Variants in MYOM2 observed in about 807,000 individuals in gnomAD.
MYOM2 encodes myomesin-2.
A neutral mutation model predicts 187.6 loss-of-function variants in MYOM2; 254 were observed. The ratio of observed to expected loss-of-function variants is 1.35; its 90% CI spans 1.22 to 1.50. The LOEUF (loss-of-function observed/expected upper bound fraction) is 1.50. Among genes scored for constraint, MYOM2 ranks in the 40% most tolerant of loss-of-function variants. The pLI is 0.00. For missense variants in MYOM2, 2,796 were observed against 1,924.0 expected, an observed-to-expected ratio of 1.45 and a Z score of -8.48; for synonymous variants, 981 against 753.8, an observed-to-expected ratio of 1.30 and a Z score of -4.94.
At chr8:2,139,661 C>G (rs1489839365) in intron 32 of MYOM2, among the ~76,000 whole-genome samples, 1 of 152,194 alleles carries the variant, frequency 6.6e-6, no homozygotes, top group Non-Finnish European at 1.5e-5. Flanking sequence ...TGTTCTGGAG[C>G]TGGTGCCCGA....
intron 30 of MYOM2, 134 bp from the exon 31 acceptor site, chr8:2,124,045 A>G: frequency 1.1e-6 from 1 of 874,716 alleles, no homozygotes; most frequent in African/African-American, 1.7e-5. Context: ...TTTTATGGAT[A>G]AATATTGCCA....
chr8:2,117,787 C>T, intron 27 of MYOM2, 98 bp from the exon 28 acceptor site: 1 of 720,474 alleles, frequency 1.4e-6, no homozygotes, highest in East Asian at 2.8e-5. Flanking sequence ...TATATACACA[C>T]CATGCATATA....
rs966807615 is a variant in MYOM2, at chr8:2,066,945, G to A, written c.654-2333G>A. Among the ~76,000 whole-genome samples the A allele has an allele frequency of 5.3e-5, 8 of 152,262 alleles. No homozygotes were observed. In the East Asian group the frequency reaches 5.8e-4, roughly 11 times the overall value. On this transcript the variant is annotated intron_variant, in intron 6 of 36. Transcript: ENST00000262113. ...TGTAGTTCGGCTTGTATTCCTCCACGGTGAACTAGAAGATAATGTTCTTGG... is the reference window on the plus strand; with the variant it reads ...TGTAGTTCGGCTTGTATTCCTCCACAGTGAACTAGAAGATAATGTTCTTGG...
At position 2,092,480 on chromosome 8, in the gene MYOM2, C is replaced by T. The variant is rs1455549101; in HGVS notation, c.1963C>T (p.Leu655Phe). Residue 655 changes from leucine (L) to phenylalanine (F), a missense_variant, in exon 16 of 37, where the codon CTC becomes TTC. Leu to Phe is a conservative substitution (Grantham distance 22). Coordinates refer to ENST00000262113, the MANE Select transcript of MYOM2 (RefSeq NM_003970.4). ...GGACTGCTGTGTGGCCGGAACCAAC[C>T]TCTGGGAGCCCTGCAACCACAAGCC... Reference protein sequence around the residue: ...YVDCCVAGTNLWEPCNHKPIG... With the variant: ...YVDCCVAGTNFWEPCNHKPIG... The T allele has an allele frequency of 1.9e-6, 3 of 1,614,118 alleles. No individual in the cohort carries two copies. The highest frequency in any genetic ancestry group is 2.5e-6 in the Non-Finnish European group (3 of 1,180,010).
At chr8:2,123,907 A>C (rs1000004793) in intron 30 of MYOM2, among the ~76,000 whole-genome samples, 7 of 152,256 alleles carry the variant, frequency 4.6e-5, no homozygotes, top group Non-Finnish European at 7.3e-5. Flanking sequence ...TTACTAATGC[A>C]GTTAAAATGA....
At chr8:2,143,903 C>G (rs1217581778) in intron 36 of MYOM2, among the ~76,000 whole-genome samples, 1 of 152,220 alleles carries the variant, frequency 6.6e-6, no homozygotes, top group Non-Finnish European at 1.5e-5. Context: ...AATCTCTGCT[C>G]CTATTCTCAA....
In MYOM2 at chr8:2,072,377, T is replaced by G. The variant is rs145346337; in HGVS notation, c.826T>G (p.Phe276Val). 1 of 1,613,716 alleles carries G rather than the reference T, an allele frequency of 6.2e-7. No homozygotes were observed. Among genetic ancestry groups the G allele is most frequent in the Non-Finnish European group, 8.5e-7 (1 of 1,179,680 alleles). Residue 276 changes from phenylalanine (F) to valine (V), a missense_variant, in exon 9 of 37, where the codon TTC (phenylalanine) becomes GTC (valine). Phe to Val is a conservative substitution (Grantham distance 50, BLOSUM62 -1). Coordinates refer to ENST00000262113, the MANE Select transcript of MYOM2 (RefSeq NM_003970.4). ...PLSSMIPYTHFDVQFLEKFGV... is the reference protein window; with the variant it reads ...PLSSMIPYTHVDVQFLEKFGV... ...GTCATCGATGATTCCGTACACGCAC[T>G]TCGACGTCCAGTTTTTGGAGAAGTT...
chr8:2,047,060 T>C (rs1421066331), intron 1 of MYOM2, among the ~76,000 whole-genome samples: 1 of 152,220 alleles, frequency 6.6e-6, no homozygotes, highest in Admixed American at 6.5e-5. Flanking sequence ...CCAGTAAGTA[T>C]AAATGCAAGT....
intron 14 of MYOM2, among the ~76,000 whole-genome samples, chr8:2,089,380 G>A (rs1796214719): frequency 6.6e-6 from 1 of 152,180 alleles, no homozygotes; most frequent in Non-Finnish European, 1.5e-5. Context: ...TATATTTATA[G>A]TCTTTTTCTC....
At chr8:2,053,236 C>T (rs973716724) in intron 3 of MYOM2, among the ~76,000 whole-genome samples, 11 of 152,210 alleles carry the variant, frequency 7.2e-5, no homozygotes, top group East Asian at 3.9e-4. Context: ...AGAAGGTTAA[C>T]GAAGGTTAAC....
intron 8 of MYOM2, among the ~76,000 whole-genome samples, chr8:2,071,048 G>T (rs1014406764): frequency 3.3e-5 from 5 of 152,118 alleles, no homozygotes. Context: ...GCTCACTGCA[G>T]CCTTGATCTC....
At position 2,123,592 on chromosome 8, in the gene MYOM2, T is replaced by G. The variant is rs1414019243; in HGVS notation, c.3605T>G (p.Leu1202Trp). The stretch of plus-strand genomic sequence containing the variant: ...GACCACGGTGAATACAAGGCAACCT[T>G]GAAAGATGACAGAGGCCAAGATGTG... ...KKDHGEYKAT[L>W]KDDRGQDVSI... The change falls in exon 30 of 37, where the codon TTG becomes TGG. Residue 1202 changes from leucine to tryptophan, a missense_variant. By Grantham distance (61) the Leu-to-Trp change is moderately conservative. Coordinates refer to ENST00000262113, the MANE Select transcript of MYOM2 (RefSeq NM_003970.4). 1 of 1,614,186 alleles carries G rather than the reference T, an allele frequency of 6.2e-7. No homozygotes were observed. Among genetic ancestry groups the G allele is most frequent in the Non-Finnish European group, 8.5e-7 (1 of 1,180,022 alleles).
chr8:2,053,602 C>T (rs1200596049), intron 3 of MYOM2, among the ~76,000 whole-genome samples: 3 of 152,218 alleles, frequency 2.0e-5, no homozygotes, highest in Non-Finnish European at 1.5e-5. Context: ...TTCAAGACAG[C>T]CTTGGCTGCT....
chr8:2,092,420 C>T lies in MYOM2; in HGVS notation c.1903C>T (p.Pro635Ser), dbSNP rs1796337589. The change falls in exon 16 of 37, where the codon CCT (proline) becomes TCT (serine). Residue 635 changes from proline to serine, a missense_variant. Pro to Ser is a moderately conservative substitution (Grantham distance 74). Coordinates refer to ENST00000262113, the MANE Select transcript of MYOM2 (RefSeq NM_003970.4). ...GTCGGTGGTGGTGCAGTGGGACCGACCTAAGCATGAGGAGGACCTGCTGGG... is the reference window on the plus strand; with the variant it reads ...GTCGGTGGTGGTGCAGTGGGACCGATCTAAGCATGAGGAGGACCTGCTGGG... ...KTSVVVQWDR[P>S]KHEEDLLGYY... The T allele has an allele frequency of 1.2e-6, 2 of 1,614,126 alleles. No homozygotes were observed. The highest frequency in any genetic ancestry group is 2.2e-5 in the East Asian group (1 of 44,876).
intron 14 of MYOM2, among the ~76,000 whole-genome samples, chr8:2,088,537 C>A (rs1443951735): frequency 6.6e-6 from 1 of 152,184 alleles, no homozygotes; most frequent in Non-Finnish European, 1.5e-5. Context: ...GTTTTCTGTT[C>A]CTGTGTCAAT....
chr8:2,092,230 C>A, intron 15 of MYOM2, 116 bp from the exon 16 acceptor site: 5 of 1,276,496 alleles, frequency 3.9e-6, no homozygotes, highest in Non-Finnish European at 4.4e-6. Context: ...GTCTGAATTT[C>A]TTCCAAAGCC....
intron 6 of MYOM2, among the ~76,000 whole-genome samples, 164 bp from the exon 7 acceptor site, chr8:2,069,114 C>T (rs188049636): frequency 6.6e-6 from 1 of 152,154 alleles, no homozygotes; most frequent in African/African-American, 2.4e-5. Context: ...CGAGTGCTGC[C>T]TCACCTTTCC....
intron 28 of MYOM2, chr8:2,119,225 T>C (rs1471363435): frequency 6.6e-6 from 1 of 152,276 alleles, no homozygotes; most frequent in East Asian, 1.9e-4. Context: ...TTGGGAATGC[T>C]TGGCTGTGGA....
intron 18 of MYOM2, among the ~76,000 whole-genome samples, chr8:2,098,439 C>A (rs1168654066): frequency 1.3e-5 from 2 of 152,062 alleles, no homozygotes; most frequent in South Asian, 2.1e-4. Context: ...TCCAGGGTGA[C>A]CCCCCTTGGG....
Sources: gnomAD v4.1 joint callset for allele counts (sites outside exome capture counted in the v4.1 genomes callset) on GRCh38, gnomAD v4.1.1 for gene constraint, MANE v1.5 for transcripts, NCBI Gene and HGNC (gene_info 2026-07-23, HGNC 2026-07-21) for gene names.